Variants in SCHIP1 observed in about 807,000 individuals in gnomAD.
SCHIP1 encodes schwannomin-interacting protein 1.
A neutral mutation model predicts 29.7 loss-of-function variants in SCHIP1; 8 were observed. The observed-to-expected ratio is 0.27, with a 90% CI of 0.16 to 0.49. The LOEUF is 0.49. SCHIP1 is among the 20% of genes least tolerant of loss of function. SCHIP1 has a pLI of 0.99. For missense variants in SCHIP1, 193 were observed against 294.6 expected (o/e 0.66, Z 2.52); for synonymous variants, 76 against 94.9 (o/e 0.80, Z 1.16).
the SCHIP1 span, among the ~76,000 whole-genome samples, chr3:159,597,902 C>T: frequency 6.6e-6 from 1 of 152,174 alleles, no homozygotes; most frequent in East Asian, 1.9e-4. Flanking sequence ...GACTGTTTCT[C>T]ATGGCTGGAA....
At chr3:159,854,093 T>C (rs1713024142) in intron 1 of SCHIP1, among the ~76,000 whole-genome samples, 3 of 152,326 alleles carry the variant, frequency 2.0e-5, no homozygotes, top group Admixed American at 2.0e-4. Context: ...ACACACACTA[T>C]GTCCTTCCCT....
the SCHIP1 span, among the ~76,000 whole-genome samples, chr3:159,310,061 C>T: frequency 6.6e-6 from 1 of 152,178 alleles, no homozygotes; most frequent in Admixed American, 6.5e-5. Context: ...TCACTACCTG[C>T]TCAAATGTGA....
At chr3:159,532,752 G>A in the SCHIP1 span, among the ~76,000 whole-genome samples, 1 of 152,118 alleles carries the variant, frequency 6.6e-6, no homozygotes, top group Non-Finnish European at 1.5e-5. Context: ...AATGCCCCCT[G>A]TGGTCTGAAC....
At chr3:159,691,200 C>T in the SCHIP1 span, among the ~76,000 whole-genome samples, 1 of 151,950 alleles carries the variant, frequency 6.6e-6, no homozygotes, top group African/African-American at 2.4e-5. Flanking sequence ...TTAAAGTCTC[C>T]CACGATTATT....
the SCHIP1 span, among the ~76,000 whole-genome samples, chr3:159,511,610 C>T: frequency 5.4e-4 from 82 of 152,244 alleles, no homozygotes; most frequent in African/African-American, 1.7e-3. Flanking sequence ...ATCTTGGAAC[C>T]GCACCCTGAG....
the SCHIP1 span, among the ~76,000 whole-genome samples, chr3:159,537,973 A>G: frequency 1.3e-5 from 2 of 152,168 alleles, no homozygotes; most frequent in Non-Finnish European, 2.9e-5. Context: ...TCTTGACACA[A>G]ATTAGTTAAA....
the SCHIP1 span, among the ~76,000 whole-genome samples, chr3:159,391,139 C>CAGTT: frequency 2.0e-3 from 310 of 152,284 alleles, no homozygotes; most frequent in African/African-American, 6.8e-3. Flanking sequence ...TTTGTTTTAA[C>CAGTT]AGTTATGCAT....
the SCHIP1 span, among the ~76,000 whole-genome samples, chr3:159,796,360 C>T: frequency 1.3e-5 from 2 of 152,144 alleles, no homozygotes; most frequent in Non-Finnish European, 2.9e-5. Flanking sequence ...AAGGGGGAAG[C>T]ATTGAGGAAT....
the SCHIP1 span, among the ~76,000 whole-genome samples, chr3:159,425,079 G>T: frequency 6.6e-6 from 1 of 151,716 alleles, no homozygotes; most frequent in Non-Finnish European, 1.5e-5. Flanking sequence ...ACCAGCCGCT[G>T]CAAAATCATG....
At chr3:159,275,350 A>G in the SCHIP1 span, among the ~76,000 whole-genome samples, 1 of 152,242 alleles carries the variant, frequency 6.6e-6, no homozygotes, top group Non-Finnish European at 1.5e-5. Flanking sequence ...TTGTTCCCTT[A>G]TGGCAAACTG....
At chr3:159,777,879 CT>C in the SCHIP1 span, among the ~76,000 whole-genome samples, 3 of 152,170 alleles carry the variant, frequency 2.0e-5, no homozygotes, top group African/African-American at 7.2e-5. Flanking sequence ...GGTTGGGACT[CT>C]TTTTTCCTCT....
intron 2 of SCHIP1, among the ~76,000 whole-genome samples, chr3:159,881,143 C>T (rs1013794063): frequency 3.9e-5 from 6 of 152,162 alleles, no homozygotes; most frequent in African/African-American, 1.4e-4. Flanking sequence ...TTACCCAAAC[C>T]TCAATTGTTC....
At chr3:159,673,586 T>C in the SCHIP1 span, among the ~76,000 whole-genome samples, 1 of 152,210 alleles carries the variant, frequency 6.6e-6, no homozygotes, top group African/African-American at 2.4e-5. Flanking sequence ...AGCAGCTATA[T>C]AGGCCCAGTT....
chr3:159,490,183 G>C, the SCHIP1 span, among the ~76,000 whole-genome samples: 1 of 152,140 alleles, frequency 6.6e-6, no homozygotes, highest in African/African-American at 2.4e-5. Flanking sequence ...GATCAAGTCA[G>C]TGTATTTGGA....
At chr3:159,557,631 C>A in the SCHIP1 span, among the ~76,000 whole-genome samples, 2 of 152,156 alleles carry the variant, frequency 1.3e-5, no homozygotes, top group Non-Finnish European at 2.9e-5. Flanking sequence ...GCCTGGGCAA[C>A]ATAGTGAGAC....
chr3:159,866,040 C>G, intron 1 of SCHIP1, 123 bp from the exon 3 acceptor site: 1 of 817,986 alleles, frequency 1.2e-6, no homozygotes, highest in Non-Finnish European at 2.0e-6. Flanking sequence ...ACTCTTATGC[C>G]GCAGCCTATT....
chr3:159,615,942 A>C, the SCHIP1 span, among the ~76,000 whole-genome samples: 1 of 152,202 alleles, frequency 6.6e-6, no homozygotes, highest in Non-Finnish European at 1.5e-5. Flanking sequence ...TTTTACTAGG[A>C]TGTAGCTTTC....
At chr3:159,572,533 C>G in the SCHIP1 span, among the ~76,000 whole-genome samples, 2 of 152,260 alleles carry the variant, frequency 1.3e-5, no homozygotes, top group East Asian at 1.9e-4. Context: ...TGCTTTACTT[C>G]CTATTATGTG....
the SCHIP1 span, among the ~76,000 whole-genome samples, chr3:159,543,620 T>A: frequency 6.8e-4 from 104 of 151,896 alleles, 3 homozygotes; most frequent in East Asian, 0.011. Flanking sequence ...TCTATCATTG[T>A]TGGACATTTG....
Sources: gnomAD v4.1 joint callset for allele counts (sites outside exome capture counted in the v4.1 genomes callset) on GRCh38, gnomAD v4.1.1 for gene constraint, MANE v1.5 for transcripts, NCBI Gene and HGNC (gene_info 2026-07-23, HGNC 2026-07-21) for gene names.